The following KLHL33 variants were observed in gnomAD, a reference collection of about 807,000 sequenced individuals.
The protein encoded by KLHL33 is kelch like family member 33.
Under a neutral mutation model 60.8 loss-of-function variants are expected in KLHL33, and 46 were observed. That is an observed-to-expected ratio of 0.76 (90% CI 0.60 to 0.97). The LOEUF (loss-of-function observed/expected upper bound fraction) is 0.97. Among genes scored for constraint, KLHL33 ranks in the 50% least tolerant of loss-of-function variants. The probability of loss-of-function intolerance (pLI) is 0.00; values close to 1 mark genes in which losing one functional copy is unlikely to be tolerated. For synonymous variants in KLHL33, 434 were observed against 432.2 expected, an observed-to-expected ratio of 1.00 and a Z score of -0.05; for missense variants, 1,055 against 1,000.0, an observed-to-expected ratio of 1.05 and a Z score of -0.74.
At position 20,432,986 on chromosome 14, in the gene KLHL33, G is replaced by GAA. The variant is rs1208142467; in HGVS notation, c.748+2077_748+2078insTT. Among the ~76,000 whole-genome samples, 46 of 151,702 alleles carry GAA rather than the reference G, an allele frequency of 3.0e-4. No individual in the cohort carries two copies. In the South Asian group the frequency reaches 4.0e-3, roughly 13 times the overall value. On this transcript the variant is annotated intron_variant, in intron 2 of 4. Coordinates refer to ENST00000636854, the MANE Select transcript of KLHL33 (RefSeq NM_001365790.2). ...AGAAAGAAAGAAAGAAAGAAAGAAA[G>GAA]AGAGAAATTACTATTAATTTTGTCG...
At chr14:20,429,748 C>G in intron 3 of KLHL33, 47 bp downstream of exon 3, 1 of 1,524,694 alleles carries the variant, frequency 6.6e-7, no homozygotes. Flanking sequence ...TCTCTCCCTG[C>G]CCACCTTAGG....
In KLHL33 at chr14:20,425,968, T is replaced by A. The variant is rs1293397664; in HGVS notation, c.*2881A>T. The A allele has an allele frequency of 1.3e-5, 2 of 152,234 alleles. No homozygotes were observed. The highest frequency in any genetic ancestry group is 2.9e-5 in the Non-Finnish European group (2 of 68,038). 9.4% of individuals were successfully genotyped at this position (152,234 alleles called of 1,614,324 possible). A position where few individuals can be genotyped will look rare whatever the true frequency, so the allele number is the denominator to read the frequency against. On this transcript the variant is annotated 3_prime_UTR_variant, in exon 5 of 5. Coordinates refer to ENST00000636854, the MANE Select transcript of KLHL33 (RefSeq NM_001365790.2). ...CCTTCAATTTCCTTCTTCCCGTTCT[T>A]TATTCTTCCTTCTCTTTTCTCTTAT...
At chr14:20,429,459 C>T in intron 4 of KLHL33, 43 bp downstream of exon 4, 1 of 1,550,426 alleles carries the variant, frequency 6.4e-7, no homozygotes, top group East Asian at 2.4e-5. Flanking sequence ...TCCTTCTATT[C>T]CAAGTCTCCT....
In KLHL33 at chr14:20,429,329, G is replaced by C. The variant is rs531569054; in HGVS notation, c.1914C>G (p.Ser638Arg). The C allele has an allele frequency of 1.3e-6, 2 of 1,551,720 alleles. No individual in the cohort carries two copies. Among genetic ancestry groups the C allele is most frequent in the Non-Finnish European group, 1.7e-6 (2 of 1,147,004 alleles). Residue 638 changes from serine (S) to arginine (R), a missense_variant, in exon 5 of 5, where the codon AGC becomes AGG. Physicochemically the swap from Ser to Arg is moderately radical, Grantham distance 110 (BLOSUM62 -1). Coordinates refer to ENST00000636854, the MANE Select transcript of KLHL33 (RefSeq NM_001365790.2). ...ATTGGCCAGTCCCACCACAGCCACC[G>C]CTCACGTACAACTGGCCCTCCAAAA... Reference protein sequence around the residue: ...AAILEGQLYVSGGCGGTGQYL... With the variant: ...AAILEGQLYVRGGCGGTGQYL...
Position 20,430,375 on chromosome 14 carries a change from G to A in KLHL33, c.1093C>T (p.His365Tyr). 1 of 1,551,836 alleles carries A rather than the reference G, an allele frequency of 6.4e-7. No individual in the cohort carries two copies. The change falls in exon 3 of 5, where the codon CAC becomes TAC. Residue 365 changes from histidine (H) to tyrosine (Y), a missense_variant. His to Tyr is a moderately conservative substitution (Grantham distance 83, BLOSUM62 2). Transcript: ENST00000636854. The stretch of plus-strand genomic sequence containing the variant: ...GGACACAAGGCTACAGCAGGCAGGT[G>A]GGTGAGGAGGTAGTGACGGGCTTTG... Reference protein sequence around the residue: ...WSKARHYLLTHLPAVALCPAF... With the variant: ...WSKARHYLLTYLPAVALCPAF...
rs1248539073 is a variant in KLHL33, at chr14:20,429,286, G to T, written c.1957C>A (p.His653Asn). The change falls in exon 5 of 5, where the codon CAC becomes AAC. Residue 653 changes from histidine to asparagine, a missense_variant. Transcript: ENST00000636854. The part of the protein sequence containing the change: ...GTGQYLASLM[H>N]YDPKLEKPGT... ...GGCTTCTCAAGTTTGGGGTCATAGTGCATCAGTGAGGCCAGGTATTGGCCA... is the reference window on the plus strand; with the variant it reads ...GGCTTCTCAAGTTTGGGGTCATAGTTCATCAGTGAGGCCAGGTATTGGCCA... The T allele has an allele frequency of 1.9e-6, 3 of 1,551,574 alleles. No homozygotes were observed. The South Asian group carries it at 3.6e-5, about 18-fold the overall frequency.
Position 20,429,150 on chromosome 14 carries a change from C to T in KLHL33, c.2093G>A (p.Ser698Asn). The change falls in exon 5 of 5, where the codon AGC (serine) becomes AAC (asparagine). Residue 698 changes from serine (S) to asparagine (N), a missense_variant. Coordinates refer to ENST00000636854, the MANE Select transcript of KLHL33 (RefSeq NM_001365790.2). Reference protein sequence around the residue: ...GGLGETEDLLSFEAYELRTDS... With the variant: ...GGLGETEDLLNFEAYELRTDS... ...AGTCCTTAGTTCATAGGCCTCAAAG[C>T]TTAGCAGGTCCTCAGTCTCACCCAG... 1 of 1,551,696 alleles carries T rather than the reference C, an allele frequency of 6.4e-7. No homozygotes were observed. Among genetic ancestry groups the T allele is most frequent in the Non-Finnish European group, 8.7e-7 (1 of 1,146,990 alleles).
In KLHL33 at chr14:20,435,629, G is replaced by T; in HGVS notation, c.183C>A (p.Val61=). The change falls in exon 2 of 5, where the codon GTC becomes GTA. Residue 61 remains valine, a synonymous_variant. Transcript: ENST00000636854. ...PLEEPGSRPL[V]PRNLPFPALS... is the part of the protein sequence containing the mutation. ...AGGCTGGAAAGGGAAGGTTCCTTGG[G>T]ACCAGGGGCCTGGAACCAGGCTCCT... The T allele has an allele frequency of 8.1e-7, 1 of 1,234,536 alleles. No homozygotes were observed. 76.5% of individuals were successfully genotyped at this position (1,234,536 alleles called of 1,614,324 possible).
chr14:20,429,784 G>GAA lies in KLHL33; in HGVS notation c.1673+9_1673+10dup, dbSNP rs1168762844. The GAA allele has an allele frequency of 4.6e-6, 7 of 1,527,026 alleles. No homozygotes were observed. In the African/African-American group the frequency reaches 9.7e-5, roughly 21 times the overall value. The allele number at this position is 1,527,026 out of a possible 1,614,324, so 94.6% of individuals were successfully genotyped here. A position where few individuals can be genotyped will look rare whatever the true frequency, so the allele number is the denominator to read the frequency against. ...GCCTGCCACACCCTGCCCACTCCTA[G>GAA]AAGCTTATACCTGAGAGTTGAAGCC... On this transcript the variant is annotated intron_variant, in intron 3 of 4. Transcript: ENST00000636854.
chr14:20,429,171 C>T lies in KLHL33; in HGVS notation c.2072G>A (p.Gly691Asp). ...AAAGCTTAGCAGGTCCTCAGTCTCA[C>T]CCAGCCCACCTGCCACATACAACCT... The part of the protein sequence containing the change: ...GGRLYVAGGL[G>D]ETEDLLSFEA... Residue 691 changes from glycine (G) to aspartate (D), a missense_variant, in exon 5 of 5, where the codon GGT (glycine) becomes GAT (aspartate). By Grantham distance (94) the Gly-to-Asp change is moderately conservative (BLOSUM62 -1). Transcript: ENST00000636854. The T allele has an allele frequency of 6.4e-7, 1 of 1,551,724 alleles. No homozygotes were observed. Among genetic ancestry groups the T allele is most frequent in the Admixed American group, 2.0e-5 (1 of 51,014 alleles).
At chr14:20,434,067 G>A (rs1393156639) in intron 2 of KLHL33, among the ~76,000 whole-genome samples, 1 of 152,206 alleles carries the variant, frequency 6.6e-6, no homozygotes, top group Non-Finnish European at 1.5e-5. Context: ...CAAATTTAAT[G>A]TTCCTTATGT....
intron 2 of KLHL33, among the ~76,000 whole-genome samples, chr14:20,432,946 G>GAAAGAAAGAAAGA (rs1880561032): frequency 6.7e-6 from 1 of 149,342 alleles, no homozygotes; most frequent in South Asian, 2.1e-4. Flanking sequence ...AAGAAAGAAA[G>GAAAGAAAGAAAGA]AAAGAAAGAA....
chr14:20,431,368 T>C (rs186898113), intron 2 of KLHL33, among the ~76,000 whole-genome samples: 32 of 152,316 alleles, frequency 2.1e-4, no homozygotes, highest in Admixed American at 1.3e-3. Flanking sequence ...TTGGTGTAAT[T>C]TGTAGAATCA....
At chr14:20,434,607 G>T (rs1260978861) in intron 2 of KLHL33, among the ~76,000 whole-genome samples, 1 of 151,712 alleles carries the variant, frequency 6.6e-6, no homozygotes, top group Non-Finnish European at 1.5e-5. Context: ...CTCATTAGCT[G>T]CAGGGCCCAT....
In KLHL33 at chr14:20,435,236, C is replaced by G. The variant is rs1880647849; in HGVS notation, c.576G>C (p.Arg192=). The G allele has an allele frequency of 8.1e-6, 10 of 1,234,422 alleles. No individual in the cohort carries two copies. Among genetic ancestry groups the G allele is most frequent in the Non-Finnish European group, 1.0e-5 (10 of 988,204 alleles). 76.5% of individuals were successfully genotyped at this position (1,234,422 alleles called of 1,614,324 possible). ...LAAAEALGAP[R]VKAAAQQTCE... is the part of the protein sequence containing the mutation. Reference sequence around the variant, plus strand: ...ATGTCTGCTGGGCAGCAGCCTTCACCCGGGGCGCTCCCAGCGCCTCTGCTG... The same window carrying G: ...ATGTCTGCTGGGCAGCAGCCTTCACGCGGGGCGCTCCCAGCGCCTCTGCTG... The change falls in exon 2 of 5, where the codon CGG becomes CGC. Residue 192 remains arginine (R), a synonymous_variant. Transcript: ENST00000636854.
chr14:20,432,139 G>A (rs1179427363), intron 2 of KLHL33, among the ~76,000 whole-genome samples: 1 of 149,812 alleles, frequency 6.7e-6, no homozygotes, highest in East Asian at 1.9e-4. Context: ...TTTTGAGATA[G>A]GGTCTTACTC....
rs1455326477 is a variant in KLHL33 at position 20,430,335 on chromosome 14, A to G, written c.1133T>C (p.Leu378Ser). Reference protein sequence around the residue: ...AVALCPAFPSLPAACLAELLD... With the variant: ...AVALCPAFPSSPAACLAELLD... ...GAGCTCAGCCAAGCAGGCAGCTGGT[A>G]AAGAAGGGAAAGCAGGACACAAGGC... The change falls in exon 3 of 5, where the codon TTA becomes TCA. Residue 378 changes from leucine (L) to serine (S), a missense_variant. Transcript: ENST00000636854. 2 of 1,551,742 alleles carry G rather than the reference A, an allele frequency of 1.3e-6. No individual in the cohort carries two copies. The highest frequency in any genetic ancestry group is 1.7e-4 in the Middle Eastern group (1 of 6,014).
chr14:20,427,569 G>A lies in KLHL33; in HGVS notation c.*1280C>T, dbSNP rs564910404. ...AGATCCAGTTCAAAATACACCCATC[G>A]GATGACACCTTTCCTAACAGAAGCC... On this transcript the variant is annotated 3_prime_UTR_variant, in exon 5 of 5. Coordinates refer to ENST00000636854, the MANE Select transcript of KLHL33 (RefSeq NM_001365790.2). 7.9e-5 allele frequency: 12 copies of A among 152,298 alleles called. No individual in the cohort carries two copies. The highest frequency in any genetic ancestry group is 7.7e-4 in the East Asian group (4 of 5,184). 9.4% of individuals were successfully genotyped at this position (152,298 alleles called of 1,614,324 possible). A position where few individuals can be genotyped will look rare whatever the true frequency, so the allele number is the denominator to read the frequency against.
In KLHL33 at chr14:20,435,842, C is replaced by CAG; in HGVS notation, c.-19-14_-19-13dup. The CAG allele has an allele frequency of 8.1e-7, 1 of 1,233,466 alleles. No individual in the cohort carries two copies. The highest frequency in any genetic ancestry group is 1.0e-6 in the Non-Finnish European group (1 of 988,230). 76.4% of individuals were successfully genotyped at this position (1,233,466 alleles called of 1,614,324 possible). ...GGTTTGCTGGATAGCTGCAGGTGAG[C>CAG]AGAGGCAAGACAGCCTGGCGTCAGA... On this transcript the variant is annotated splice_polypyrimidine_tract_variant and intron_variant, in intron 1 of 4. Transcript: ENST00000636854.
Sources: allele counts gnomAD v4.1 joint callset (sites outside exome capture counted in the v4.1 genomes callset), GRCh38; gene constraint gnomAD v4.1.1; transcripts MANE v1.5; gene names NCBI Gene and HGNC (gene_info 2026-07-23, HGNC 2026-07-21).